Variants in CDC42BPB observed in about 807,000 individuals in gnomAD.
CDC42BPB encodes the protein serine/threonine-protein kinase MRCK beta.
In CDC42BPB, 37 loss-of-function variants were observed where a neutral mutation model predicts 214.9. The observed-to-expected ratio is 0.17, with a 90% CI of 0.13 to 0.23. CDC42BPB has a LOEUF of 0.23. Among genes scored for constraint, CDC42BPB ranks in the 10% least tolerant of loss-of-function variants. The pLI is 1.00. For missense variants in CDC42BPB, 1,694 were observed against 2,227.0 expected (o/e 0.76, Z 4.82); for synonymous variants, 931 against 884.0 (o/e 1.05, Z -0.94).
rs140416985 is a variant in CDC42BPB, at chr14:102,950,568, G to A, written c.3207C>T (p.Asp1069=). 20 of 1,604,752 alleles carry A rather than the reference G, an allele frequency of 1.2e-5. 1 individual carries two copies. The highest frequency in any genetic ancestry group is 3.3e-4 in the Middle Eastern group (2 of 6,030). Residue 1069 remains aspartate, a synonymous_variant, in exon 25 of 37, where the codon GAC becomes GAT. Transcript: ENST00000361246. ...GTATTGGGCACACCTGGGGGGCACC[G>A]TCTTTGCAGGACACGTGGCAAGCAA... The part of the protein sequence containing the change: ...CSFACHVSCK[D]GAPQVCPIPP...
chr14:103,034,172 C>T (rs1422342930), intron 1 of CDC42BPB, among the ~76,000 whole-genome samples: 1 of 152,168 alleles, frequency 6.6e-6, no homozygotes, highest in African/African-American at 2.4e-5. Flanking sequence ...CTGGAGAACG[C>T]TTTAGGACAA....
chr14:102,945,404 T>C (rs1892111598), intron 29 of CDC42BPB: 2 of 546,922 alleles, frequency 3.7e-6, no homozygotes, highest in East Asian at 7.1e-5. Context: ...GCTGCAGCTG[T>C]TCCTCCTCCC....
chr14:103,039,056 A>G (rs1314933936), intron 1 of CDC42BPB, among the ~76,000 whole-genome samples: 4 of 152,168 alleles, frequency 2.6e-5, no homozygotes, highest in Non-Finnish European at 5.9e-5. Flanking sequence ...AAAAAGACAC[A>G]AACTACCAAA....
chr14:102,981,785 A>G (rs1381201353), intron 7 of CDC42BPB, among the ~76,000 whole-genome samples: 1 of 152,214 alleles, frequency 6.6e-6, no homozygotes, highest in African/African-American at 2.4e-5. Context: ...CTCAAAACAA[A>G]AAAGATGGGG....
At chr14:102,959,508 G>T in intron 21 of CDC42BPB, 123 bp downstream of exon 21, 1 of 679,462 alleles carries the variant, frequency 1.5e-6, no homozygotes, top group Non-Finnish European at 2.5e-6. Context: ...ACAACGCTGA[G>T]ATAAACACTG....
rs1007427902 is a variant in CDC42BPB at position 102,941,259 on chromosome 14, C to T, written c.4409-935G>A. 3 of 985,360 alleles carry T rather than the reference C, an allele frequency of 3.0e-6. No homozygotes were observed. The African/African-American group carries it at 5.2e-5, about 17-fold the overall frequency. The allele number at this position is 985,360 out of a possible 1,614,324, so 61.0% of individuals were successfully genotyped here. On this transcript the variant is annotated intron_variant, in intron 30 of 36. Coordinates refer to ENST00000361246, the MANE Select transcript of CDC42BPB (RefSeq NM_006035.4). ...GCAAGAGAGCTCCAGCTCAGTGCTCCTTCCTGGCTCTTCTGCCTCCGGAGT... is the reference window on the plus strand; with the variant it reads ...GCAAGAGAGCTCCAGCTCAGTGCTCTTTCCTGGCTCTTCTGCCTCCGGAGT...
intron 1 of CDC42BPB, among the ~76,000 whole-genome samples, chr14:103,026,376 T>C (rs577611683): frequency 1.0e-3 from 158 of 151,640 alleles, no homozygotes; most frequent in African/African-American, 1.5e-3. Context: ...GGTGACAGAG[T>C]GAGGTTCCGT....
At chr14:103,048,575 G>C (rs1316865258) in intron 1 of CDC42BPB, among the ~76,000 whole-genome samples, 1 of 149,668 alleles carries the variant, frequency 6.7e-6, no homozygotes, top group Non-Finnish European at 1.5e-5. Flanking sequence ...GCCAGGCATG[G>C]TGGCGGGCGC....
At chr14:103,012,720 G>A (rs887201344) in intron 1 of CDC42BPB, among the ~76,000 whole-genome samples, 12 of 152,132 alleles carry the variant, frequency 7.9e-5, no homozygotes, top group African/African-American at 2.4e-4. Flanking sequence ...CAAGAGAATC[G>A]TTTGAACCTA....
At chr14:103,008,354 C>A in intron 3 of CDC42BPB, 118 bp downstream of exon 3, 1 of 714,016 alleles carries the variant, frequency 1.4e-6, no homozygotes, top group Admixed American at 2.1e-5. Flanking sequence ...TCGCTCTGTC[C>A]GGGGGGCAGG....
intron 1 of CDC42BPB, among the ~76,000 whole-genome samples, chr14:103,051,834 G>A (rs1888624591): frequency 6.6e-6 from 1 of 151,436 alleles, no homozygotes; most frequent in South Asian, 2.1e-4. Context: ...CAACTGTCAT[G>A]GAAGGAAGAG....
At chr14:103,031,014 G>A (rs142686232) in intron 1 of CDC42BPB, among the ~76,000 whole-genome samples, 17 of 152,084 alleles carry the variant, frequency 1.1e-4, no homozygotes, top group African/African-American at 4.1e-4. Context: ...GTTCAGATTG[G>A]CTGCCAGACT....
rs1595493229 is a variant in CDC42BPB at position 102,983,487 on chromosome 14, C to T, written c.891+69G>A. On this transcript the variant is annotated intron_variant, in intron 7 of 36. Coordinates refer to ENST00000361246, the MANE Select transcript of CDC42BPB (RefSeq NM_006035.4). ...TTGCTTCCTAACGGATCTTCCTGCA[C>T]TAGTTGTGCTCTCTGTACTTTAGGC... 18 of 1,584,828 alleles carry T rather than the reference C, an allele frequency of 1.1e-5. No homozygotes were observed. The East Asian group carries it at 3.6e-4, about 31-fold the overall frequency.
intron 21 of CDC42BPB, among the ~76,000 whole-genome samples, chr14:102,958,781 C>T (rs888736727): frequency 7.9e-5 from 12 of 152,042 alleles, no homozygotes; most frequent in Admixed American, 3.9e-4. Flanking sequence ...TCCCCAATGC[C>T]GAACTCTACA....
intron 23 of CDC42BPB, among the ~76,000 whole-genome samples, 189 bp downstream of exon 23, chr14:102,954,009 G>A (rs1050554953): frequency 6.6e-6 from 1 of 152,144 alleles, no homozygotes; most frequent in Non-Finnish European, 1.5e-5. Flanking sequence ...AAAACACAGG[G>A]TCCTGACAGC....
intron 36 of CDC42BPB, among the ~76,000 whole-genome samples, chr14:102,936,715 ACTC>A (rs1444222495): frequency 1.3e-5 from 2 of 151,964 alleles, no homozygotes; most frequent in Non-Finnish European, 2.9e-5. Context: ...CTGGCCTTGA[ACTC>A]CTCAGGCCAT....
chr14:102,955,309 G>C (rs1359274071), intron 21 of CDC42BPB, among the ~76,000 whole-genome samples: 1 of 152,130 alleles, frequency 6.6e-6, no homozygotes, highest in African/African-American at 2.4e-5. Flanking sequence ...CATAATCCCA[G>C]CTACTCTGGA....
At position 102,943,828 on chromosome 14, in the gene CDC42BPB, C is replaced by T; in HGVS notation, c.4408+63G>A. ...GAAGACAAACCAAAGCAAAATCGAA[C>T]ACATGCTGACTGTCGGTGGGAAAAG... On this transcript the variant is annotated intron_variant, in intron 30 of 36. Coordinates refer to ENST00000361246, the MANE Select transcript of CDC42BPB (RefSeq NM_006035.4). This position sits in a 1 kb window ranked among gnomAD's most constrained non-coding sequence, Gnocchi z 4.6. The T allele has an allele frequency of 6.8e-7, 1 of 1,464,848 alleles. No homozygotes were observed. The highest frequency in any genetic ancestry group is 9.2e-7 in the Non-Finnish European group (1 of 1,084,702). The allele number at this position is 1,464,848 out of a possible 1,614,324, so 90.7% of individuals were successfully genotyped here.
intron 7 of CDC42BPB, among the ~76,000 whole-genome samples, chr14:102,981,445 A>G (rs1416275699): frequency 1.3e-5 from 2 of 152,186 alleles, no homozygotes; most frequent in African/African-American, 2.4e-5. Context: ...TGACCAAGAA[A>G]ACTGCAAATT....
Sources: gnomAD v4.1 joint callset for allele counts (sites outside exome capture counted in the v4.1 genomes callset) on GRCh38, gnomAD v4.1.1 for gene constraint, Gnocchi (gnomAD v3.1) non-coding constraint, MANE v1.5 for transcripts, NCBI Gene and HGNC (gene_info 2026-07-23, HGNC 2026-07-21) for gene names.